Variants in ACTR3B observed in about 807,000 individuals in gnomAD.
The protein encoded by ACTR3B is actin related protein 3B.
ACTR3B carries 8 observed loss-of-function variants against 59.0 expected under a neutral mutation model. The ratio of observed to expected loss-of-function variants is 0.14; its 90% CI spans 0.08 to 0.24. The LOEUF is 0.24. Among genes scored for constraint, ACTR3B ranks in the 10% least tolerant of loss-of-function variants. The pLI, the probability that ACTR3B is intolerant of heterozygous loss-of-function variation, is 1.00. For synonymous variants in ACTR3B, 148 were observed against 197.9 expected (o/e 0.75, Z 2.12); for missense variants, 245 against 552.3 (o/e 0.44, Z 5.58).
chr7:152,823,194 A>T lies in ACTR3B; in HGVS notation c.685-148A>T. The T allele has an allele frequency of 2.8e-6, 3 of 1,057,398 alleles. No homozygotes were observed. In the South Asian group the frequency reaches 4.9e-5, roughly 17 times the overall value. 65.5% of individuals were successfully genotyped at this position (1,057,398 alleles called of 1,614,324 possible). ...CTAACATGAAAGACGATGGAATGTG[A>T]GGCTTGATGCATATCCACACTAGAG... On this transcript the variant is annotated intron_variant, in intron 7 of 11. Coordinates refer to ENST00000256001, the MANE Select transcript of ACTR3B (RefSeq NM_020445.6).
At position 152,824,857 on chromosome 7, in the gene ACTR3B, G is replaced by A. The variant is rs571046470; in HGVS notation, c.859-173G>A. On this transcript the variant is annotated intron_variant, in intron 8 of 11. Coordinates refer to ENST00000256001, the MANE Select transcript of ACTR3B (RefSeq NM_020445.6). The surrounding 1 kb of genome is among the most constrained non-coding windows in gnomAD (Gnocchi z 4.2). The stretch of plus-strand genomic sequence containing the variant: ...TCATGAGGAGAAATGTGTCATCACC[G>A]CTCCACGCACTTGTAGTCACATGGG... Among the ~76,000 whole-genome samples the A allele has an allele frequency of 7.2e-5, 11 of 152,184 alleles. No individual in the cohort carries two copies. Among genetic ancestry groups the A allele is most frequent in the Non-Finnish European group, 1.0e-4 (7 of 68,032 alleles).
intron 1 of ACTR3B, among the ~76,000 whole-genome samples, chr7:152,766,451 G>C (rs986921805): frequency 9.9e-5 from 15 of 152,250 alleles, no homozygotes; most frequent in African/African-American, 3.6e-4. Flanking sequence ...GCCACTCTAG[G>C]AGCAGTGAAC....
intron 2 of ACTR3B, among the ~76,000 whole-genome samples, chr7:152,784,650 G>T (rs1160702529): frequency 6.6e-6 from 1 of 152,208 alleles, no homozygotes; most frequent in Non-Finnish European, 1.5e-5. Context: ...TCATAGTCTG[G>T]AGGTTGCAAG....
chr7:152,778,961 A>G (rs1165729964), intron 1 of ACTR3B, among the ~76,000 whole-genome samples: 6 of 63,898 alleles, frequency 9.4e-5, no homozygotes, highest in Non-Finnish European at 1.8e-4. Context: ...AAAAAAAAAA[A>G]AAAAAAAAAA....
chr7:152,775,755 G>A (rs111438173), intron 1 of ACTR3B, among the ~76,000 whole-genome samples: 5 of 148,308 alleles, frequency 3.4e-5, no homozygotes, highest in Non-Finnish European at 5.9e-5. Context: ...GCGAAACTCC[G>A]TCTCAAAAAA....
At chr7:152,788,747 G>A (rs998162929) in intron 2 of ACTR3B, among the ~76,000 whole-genome samples, 4 of 152,086 alleles carry the variant, frequency 2.6e-5, no homozygotes, top group Admixed American at 6.5e-5. Context: ...CAGGCCAGGC[G>A]CAGTGGTTCA....
rs1164677748 is a variant in ACTR3B, at chr7:152,812,019, C to CTTTTTTTTTTTTTTTTTTTTT, written c.337-2522_337-2502dup. 2.6e-4 allele frequency: 6 copies of CTTTTTTTTTTTTTTTTTTTTT among 23,378 alleles called. 2 individuals carry two copies. The highest frequency in any genetic ancestry group is 6.8e-4 in the African/African-American group (6 of 8,844). 1.4% of individuals were successfully genotyped at this position (23,378 alleles called of 1,614,324 possible). A position where few individuals can be genotyped will look rare whatever the true frequency, so the allele number is the denominator to read the frequency against. On this transcript the variant is annotated intron_variant, in intron 4 of 11. Transcript: ENST00000256001. Reference sequence around the variant, plus strand: ...TTCTTAATTCCCAGAAAATAAAAGTCTTTTTTTTTTTTTTTTTTTTTTTTT... The same window carrying CTTTTTTTTTTTTTTTTTTTTT: ...TTCTTAATTCCCAGAAAATAAAAGTCTTTTTTTTTTTTTTTTTTTTTTTTTTTTTTTTTTTTTTTTTTTTTT...
intron 1 of ACTR3B, among the ~76,000 whole-genome samples, chr7:152,762,863 G>T (rs2098094209): frequency 6.6e-6 from 1 of 152,104 alleles, no homozygotes; most frequent in Non-Finnish European, 1.5e-5. Flanking sequence ...TATTTGTCAG[G>T]ACTACCACAG....
chr7:152,789,997 CTTTTTTTTT>C (rs756068314), intron 2 of ACTR3B, among the ~76,000 whole-genome samples: 1 of 102,842 alleles, frequency 9.7e-6, no homozygotes, highest in Non-Finnish European at 1.8e-5. Context: ...TGTACTCTTT[CTTTTTTTTT>C]TTTTTTTTTT....
intron 9 of ACTR3B, among the ~76,000 whole-genome samples, chr7:152,847,234 G>T (rs1440078901): frequency 1.3e-5 from 2 of 152,080 alleles, no homozygotes; most frequent in Non-Finnish European, 2.9e-5. Context: ...GAGCTCTAGT[G>T]CCCGGGGCTG....
At chr7:152,769,196 G>A (rs1299873851) in intron 1 of ACTR3B, among the ~76,000 whole-genome samples, 1 of 152,192 alleles carries the variant, frequency 6.6e-6, no homozygotes, top group African/African-American at 2.4e-5. Flanking sequence ...CATGGACTGA[G>A]AATGGCATAC....
intron 2 of ACTR3B, among the ~76,000 whole-genome samples, chr7:152,794,888 G>A (rs2098210504): frequency 6.6e-6 from 1 of 152,180 alleles, no homozygotes; most frequent in Admixed American, 6.5e-5. Flanking sequence ...TTTATAATTT[G>A]ATATCTTTGA....
intron 11 of ACTR3B, 113 bp downstream of exon 11, chr7:152,853,690 A>G (rs1563163563): frequency 1.1e-6 from 1 of 876,686 alleles, no homozygotes; most frequent in South Asian, 1.5e-5. Context: ...GTGGCTCTAA[A>G]CAGACCATTC....
rs1204333205 is a variant in ACTR3B, at chr7:152,824,810, C to T, written c.859-220C>T. 6.6e-6 allele frequency among the ~76,000 whole-genome samples: 1 copy of T among 152,100 alleles called. No homozygotes were observed. The highest frequency in any genetic ancestry group is 1.5e-5 in the Non-Finnish European group (1 of 68,030). ...TGTGATGTTGTTGGTATTTTTTCTTCACTAAATCCATACATTTTACCTCAT... is the reference window on the plus strand; with the variant it reads ...TGTGATGTTGTTGGTATTTTTTCTTTACTAAATCCATACATTTTACCTCAT... On this transcript the variant is annotated intron_variant, in intron 8 of 11. Coordinates refer to ENST00000256001, the MANE Select transcript of ACTR3B (RefSeq NM_020445.6). The surrounding 1 kb of genome is among the most constrained non-coding windows in gnomAD (Gnocchi z 4.2).
intron 1 of ACTR3B, among the ~76,000 whole-genome samples, chr7:152,781,009 G>C (rs2098151350): frequency 6.6e-6 from 1 of 151,844 alleles, no homozygotes; most frequent in Non-Finnish European, 1.5e-5. Context: ...GATAGGTAAA[G>C]TAACTTGCCC....
At chr7:152,810,469 T>G (rs1795132279) in intron 4 of ACTR3B, among the ~76,000 whole-genome samples, 2 of 150,342 alleles carry the variant, frequency 1.3e-5, no homozygotes, top group African/African-American at 4.9e-5. Context: ...TTGTCCAAGC[T>G]GGAGTGCAGT....
chr7:152,774,565 T>C (rs566979805), intron 1 of ACTR3B, among the ~76,000 whole-genome samples: 33 of 152,306 alleles, frequency 2.2e-4, no homozygotes, highest in African/African-American at 7.5e-4. Flanking sequence ...TAAAACACTT[T>C]TAAAACACTT....
At chr7:152,843,176 C>T (rs1797999926) in intron 9 of ACTR3B, among the ~76,000 whole-genome samples, 1 of 151,980 alleles carries the variant, frequency 6.6e-6, no homozygotes, top group South Asian at 2.1e-4. Context: ...TTTTGAAGAA[C>T]AGAAATGTAT....
chr7:152,815,501 T>A (rs1277091848), intron 5 of ACTR3B, among the ~76,000 whole-genome samples: 1 of 152,206 alleles, frequency 6.6e-6, no homozygotes, highest in African/African-American at 2.4e-5. Flanking sequence ...ACCTGGAGAA[T>A]GTTTTTTAGA....
Sources: allele counts gnomAD v4.1 joint callset (sites outside exome capture counted in the v4.1 genomes callset), GRCh38; gene constraint gnomAD v4.1.1; non-coding constraint Gnocchi (gnomAD v3.1); transcripts MANE v1.5; gene names NCBI Gene and HGNC (gene_info 2026-07-23, HGNC 2026-07-21).